The following CBL variants were observed in gnomAD, a reference collection of about 807,000 sequenced individuals.
CBL encodes the protein E3 ubiquitin-protein ligase CBL.
A neutral mutation model predicts 96.9 loss-of-function variants in CBL; 45 were observed. The observed-to-expected ratio is 0.46, with a 90% CI of 0.37 to 0.60. The LOEUF (loss-of-function observed/expected upper bound fraction) is 0.60, where lower values mean the gene tolerates loss of function less well. Among genes scored for constraint, CBL ranks in the 20% least tolerant of loss-of-function variants. The probability of loss-of-function intolerance (pLI) is 0.00; values close to 1 mark genes in which losing one functional copy is unlikely to be tolerated. For missense variants in CBL, 1,024 were observed against 1,143.5 expected, an observed-to-expected ratio of 0.90 and a Z score of 1.51; for synonymous variants, 420 against 426.8, an observed-to-expected ratio of 0.98 and a Z score of 0.20.
At chr11:119,297,306 G>A (rs921841945) in intron 13 of CBL, 78 bp from the exon 14 acceptor site, 30 of 1,170,950 alleles carry the variant, frequency 2.6e-5, no homozygotes, top group East Asian at 4.7e-5. Context: ...TTGGCAAAAC[G>A]AGAAGATGAA....
intron 1 of CBL, among the ~76,000 whole-genome samples, chr11:119,208,452 C>T (rs1014223047): frequency 2.6e-5 from 4 of 151,382 alleles, no homozygotes; most frequent in African/African-American, 7.3e-5. Flanking sequence ...GTGCATGGTG[C>T]GATCTCGACT....
At chr11:119,254,827 C>T (rs950029921) in intron 2 of CBL, among the ~76,000 whole-genome samples, 1 of 152,100 alleles carries the variant, frequency 6.6e-6, no homozygotes, top group Non-Finnish European at 1.5e-5. Flanking sequence ...GTCTGAAACT[C>T]CTGACCTCAG....
At chr11:119,291,674 C>T (rs111713312) in intron 12 of CBL, among the ~76,000 whole-genome samples, 2,793 of 152,258 alleles carry the variant, frequency 0.018, 101 homozygotes, top group African/African-American at 0.064. Flanking sequence ...TGCCACTGCA[C>T]TCCAGCGTGG....
At chr11:119,274,438 C>G (rs1353598132) in intron 4 of CBL, among the ~76,000 whole-genome samples, 1 of 152,158 alleles carries the variant, frequency 6.6e-6, no homozygotes, top group African/African-American at 2.4e-5. Flanking sequence ...AAAAACAACT[C>G]CTTTCTTTTT....
At chr11:119,275,266 C>T (rs1338838886) in intron 5 of CBL, among the ~76,000 whole-genome samples, 2 of 152,022 alleles carry the variant, frequency 1.3e-5, no homozygotes, top group East Asian at 1.9e-4. Flanking sequence ...TGGTAAAACC[C>T]TGTCTCTACT....
chr11:119,280,855 T>C (rs767643632), intron 9 of CBL, among the ~76,000 whole-genome samples: 1 of 152,194 alleles, frequency 6.6e-6, no homozygotes, highest in East Asian at 1.9e-4. Context: ...ACTACAGTTA[T>C]TTGAATTTGG....
At chr11:119,260,794 C>T (rs1044209598) in intron 2 of CBL, among the ~76,000 whole-genome samples, 4 of 152,066 alleles carry the variant, frequency 2.6e-5, no homozygotes, top group Admixed American at 6.6e-5. Context: ...TCTCTGCTTT[C>T]GCAGTTTCTT....
At chr11:119,264,424 T>C in intron 2 of CBL, among the ~76,000 whole-genome samples, 1 of 116,180 alleles carries the variant, frequency 8.6e-6, no homozygotes, top group Non-Finnish European at 1.8e-5. Context: ...TTCTCTTCTC[T>C]TCTCTTCTCT....
At chr11:119,273,300 G>T (rs999158949) in intron 3 of CBL, among the ~76,000 whole-genome samples, 3 of 152,178 alleles carry the variant, frequency 2.0e-5, no homozygotes, top group African/African-American at 7.2e-5. Context: ...AGGCACAGTG[G>T]CTCACTCCTG....
At chr11:119,229,106 C>T (rs1858103055) in intron 1 of CBL, among the ~76,000 whole-genome samples, 1 of 152,100 alleles carries the variant, frequency 6.6e-6, no homozygotes, top group Admixed American at 6.6e-5. Flanking sequence ...AGATCTTAAT[C>T]TCTAGTTACA....
intron 2 of CBL, among the ~76,000 whole-genome samples, chr11:119,258,224 C>G (rs1315497716): frequency 2.6e-5 from 4 of 152,002 alleles, no homozygotes; most frequent in Admixed American, 2.6e-4. Context: ...GAGACTACGT[C>G]TCAAAAAAAC....
At chr11:119,254,322 T>C (rs1373486102) in intron 2 of CBL, among the ~76,000 whole-genome samples, 1 of 152,244 alleles carries the variant, frequency 6.6e-6, no homozygotes, top group Non-Finnish European at 1.5e-5. Context: ...TTTATGTAAG[T>C]GCAACCATGT....
At chr11:119,223,935 G>T (rs1949433447) in intron 1 of CBL, among the ~76,000 whole-genome samples, 1 of 151,608 alleles carries the variant, frequency 6.6e-6, no homozygotes. Flanking sequence ...ATTTTTTTTT[G>T]AGACTCTATC....
intron 2 of CBL, among the ~76,000 whole-genome samples, chr11:119,255,333 T>C (rs891994025): frequency 1.1e-4 from 17 of 152,190 alleles, no homozygotes; most frequent in African/African-American, 3.1e-4. Context: ...AAAAGATCAG[T>C]TGGCCAAATT....
intron 2 of CBL, among the ~76,000 whole-genome samples, chr11:119,252,610 C>CT (rs1468956505): frequency 6.6e-6 from 1 of 152,192 alleles, no homozygotes; most frequent in Non-Finnish European, 1.5e-5. Flanking sequence ...AATCCCAGCA[C>CT]TTTGGGAGGC....
intron 12 of CBL, among the ~76,000 whole-genome samples, chr11:119,291,318 G>A (rs1263129944): frequency 6.6e-6 from 1 of 152,216 alleles, no homozygotes; most frequent in Non-Finnish European, 1.5e-5. Context: ...CCAGGACGTT[G>A]AGGCTGCTGT....
chr11:119,238,743 A>C lies in CBL; in HGVS notation c.443+6048A>C, dbSNP rs543030059. Among the ~76,000 whole-genome samples the C allele has an allele frequency of 9.9e-4, 151 of 152,158 alleles. 1 individual carries two copies. Among genetic ancestry groups the C allele is most frequent in the African/African-American group, 3.6e-3 (151 of 41,552 alleles). ...CTACTCTGGAGGCTGAGGCAGGAGA[A>C]TCTCTTGAACCCAGGAGGCGGAGGA... On this transcript the variant is annotated intron_variant, in intron 2 of 15. Transcript: ENST00000264033.
In CBL at chr11:119,255,193, A is replaced by G. The variant is rs374113109; in HGVS notation, c.444-16542A>G. 1.6e-3 allele frequency among the ~76,000 whole-genome samples: 239 copies of G among 152,272 alleles called. 4 individuals are homozygous for G. In the South Asian group the frequency reaches 0.046, roughly 30 times the overall value. On this transcript the variant is annotated intron_variant, in intron 2 of 15. Coordinates refer to ENST00000264033, the MANE Select transcript of CBL (RefSeq NM_005188.4). The stretch of plus-strand genomic sequence containing the variant: ...GACTTTACAGGAGTTGCTGACAACT[A>G]GTGCCCTGGTACCTAGAGACTGTGT...
In CBL at chr11:119,285,177, C is replaced by T. The variant is rs1222722113; in HGVS notation, c.1564-12C>T. 1 of 1,613,934 alleles carries T rather than the reference C, an allele frequency of 6.2e-7. No individual in the cohort carries two copies. The highest frequency in any genetic ancestry group is 8.5e-7 in the Non-Finnish European group (1 of 1,180,044). On this transcript the variant is annotated splice_polypyrimidine_tract_variant and intron_variant, in intron 10 of 15. Transcript: ENST00000264033. ...GGGTTTTTACTGATTTGCTTTCACC[C>T]TGCTTCCACAGGCTGCTTCTGGCTC...
Sources: gnomAD v4.1 joint callset for allele counts (sites outside exome capture counted in the v4.1 genomes callset) on GRCh38, gnomAD v4.1.1 for gene constraint, MANE v1.5 for transcripts, NCBI Gene and HGNC (gene_info 2026-07-23, HGNC 2026-07-21) for gene names.